LPP: variants seen among roughly 807,000 people sequenced by gnomAD.
The protein encoded by LPP is lipoma-preferred partner.
Under a neutral mutation model 60.4 loss-of-function variants are expected in LPP, and 38 were observed. The observed-to-expected ratio is 0.63, with a 90% CI of 0.49 to 0.83. The LOEUF is 0.83. LPP is among the 40% of genes least tolerant of loss of function. The probability of loss-of-function intolerance (pLI) is 0.00; values close to 1 mark genes in which losing one functional copy is unlikely to be tolerated. For missense variants in LPP, 902 were observed against 783.6 expected, an observed-to-expected ratio of 1.15 and a Z score of -1.80; for synonymous variants, 328 against 290.8, an observed-to-expected ratio of 1.13 and a Z score of -1.30.
intron 6 of LPP, among the ~76,000 whole-genome samples, chr3:188,598,374 G>A (rs371598302): frequency 1.3e-5 from 2 of 152,186 alleles, no homozygotes; most frequent in African/African-American, 4.8e-5. Context: ...ACACATATAC[G>A]TGTGTATGTG....
chr3:188,250,630 G>T (rs1213795888), intron 2 of LPP, among the ~76,000 whole-genome samples: 1 of 152,000 alleles, frequency 6.6e-6, no homozygotes, highest in Non-Finnish European at 1.5e-5. Context: ...TCATCATTCA[G>T]CATCCTGCGT....
chr3:188,526,911 G>A (rs1579650876), intron 6 of LPP, among the ~76,000 whole-genome samples: 1 of 152,280 alleles, frequency 6.6e-6, no homozygotes, highest in East Asian at 1.9e-4. Context: ...CTATACTGCA[G>A]GAGCACAAAG....
At chr3:188,175,145 C>T (rs574522183) in intron 1 of LPP, among the ~76,000 whole-genome samples, 4 of 152,146 alleles carry the variant, frequency 2.6e-5, no homozygotes, top group African/African-American at 4.8e-5. Context: ...GGAGTGCAGT[C>T]GTGGGTTCTT....
intron 6 of LPP, among the ~76,000 whole-genome samples, chr3:188,536,002 A>T (rs898536876): frequency 1.6e-5 from 2 of 121,762 alleles, no homozygotes; most frequent in South Asian, 5.4e-4. Context: ...TATTACATGA[A>T]TTTTTTTTTT....
chr3:188,425,219 T>C (rs1361386748), intron 4 of LPP, among the ~76,000 whole-genome samples: 1 of 152,214 alleles, frequency 6.6e-6, no homozygotes. Flanking sequence ...ATTTTTGTCA[T>C]TGGTTCTGTT....
chr3:188,313,733 A>G (rs776981225), intron 2 of LPP, among the ~76,000 whole-genome samples: 1 of 152,092 alleles, frequency 6.6e-6, no homozygotes, highest in Non-Finnish European at 1.5e-5. Context: ...CATGCTATAC[A>G]TTGTAAAAAT....
At position 188,173,349 on chromosome 3, in the gene LPP, CA is replaced by C. The variant is rs972931701; in HGVS notation, c.-190+19102del. Among the ~76,000 whole-genome samples, 600 of 152,058 alleles carry C rather than the reference CA, an allele frequency of 3.9e-3. 5 individuals carry two copies. Among genetic ancestry groups the C allele is most frequent in the African/African-American group, 0.014 (584 of 41,492 alleles). On this transcript the variant is annotated intron_variant, in intron 1 of 11. Transcript: ENST00000617246. ...AAGCCCATCTCTATTTAAAAAAATA[CA>C]AAAATTAGCCGGGTGTGGTGGCTCA...
chr3:188,155,484 A>G (rs752287205), intron 1 of LPP, among the ~76,000 whole-genome samples: 1 of 152,198 alleles, frequency 6.6e-6, no homozygotes, highest in Non-Finnish European at 1.5e-5. Flanking sequence ...GAAGAAGGGG[A>G]AAGTGTGGCT....
intron 6 of LPP, among the ~76,000 whole-genome samples, chr3:188,559,503 T>C (rs2150643430): frequency 6.6e-6 from 1 of 152,178 alleles, no homozygotes; most frequent in Non-Finnish European, 1.5e-5. Context: ...GCTCTAGTTA[T>C]ATGAAGCCTG....
rs972774777 is a variant in LPP, at chr3:188,606,507, A to G, written c.430-2654A>G. ...CTGTTTTTTTGGATATTCGTCTTTA[A>G]AAGGGTAAACTTGTCATTTACTTTT... On this transcript the variant is annotated intron_variant, in intron 6 of 11. Coordinates refer to ENST00000617246, the MANE Select transcript of LPP (RefSeq NM_001375462.1). Among the ~76,000 whole-genome samples, 8 of 152,082 alleles carry G rather than the reference A, an allele frequency of 5.3e-5. 1 individual carries two copies. The highest frequency in any genetic ancestry group is 1.2e-4 in the Non-Finnish European group (8 of 68,026).
chr3:188,369,421 G>C (rs919273593), intron 3 of LPP, among the ~76,000 whole-genome samples: 1 of 151,958 alleles, frequency 6.6e-6, no homozygotes, highest in Non-Finnish European at 1.5e-5. Flanking sequence ...TGAGATCCTG[G>C]GGAAATCAAA....
intron 9 of LPP, among the ~76,000 whole-genome samples, chr3:188,864,828 G>A (rs1462068821): frequency 6.6e-6 from 1 of 152,206 alleles, no homozygotes; most frequent in Non-Finnish European, 1.5e-5. Context: ...TATCCAGAAA[G>A]GTACTTGTAT....
chr3:188,362,039 A>C (rs1442974238), intron 3 of LPP, among the ~76,000 whole-genome samples: 1 of 152,192 alleles, frequency 6.6e-6, no homozygotes, highest in Admixed American at 6.5e-5. Context: ...ACCAAGCGAA[A>C]TGTACAGTGC....
intron 2 of LPP, among the ~76,000 whole-genome samples, chr3:188,326,295 C>A (rs1758412785): frequency 6.6e-6 from 1 of 152,180 alleles, no homozygotes; most frequent in Non-Finnish European, 1.5e-5. Flanking sequence ...GGTGAGTAGA[C>A]CTATCACACA....
At chr3:188,256,128 G>A (rs1731586057) in intron 2 of LPP, among the ~76,000 whole-genome samples, 1 of 129,766 alleles carries the variant, frequency 7.7e-6, no homozygotes, top group African/African-American at 2.7e-5. Flanking sequence ...ATTATATTAA[G>A]AGTAAGATGC....
chr3:188,193,921 A>C (rs1282104089), intron 1 of LPP, among the ~76,000 whole-genome samples: 3 of 152,234 alleles, frequency 2.0e-5, no homozygotes, highest in African/African-American at 7.2e-5. Flanking sequence ...TGGGGGTCAC[A>C]TAAAGGGAAC....
intron 3 of LPP, among the ~76,000 whole-genome samples, chr3:188,399,768 T>C (rs1781810426): frequency 6.6e-6 from 1 of 152,228 alleles, no homozygotes; most frequent in Admixed American, 6.5e-5. Context: ...GGATGTTGGA[T>C]AATATGATGT....
At chr3:188,320,420 C>G (rs1756587706) in intron 2 of LPP, among the ~76,000 whole-genome samples, 1 of 152,198 alleles carries the variant, frequency 6.6e-6, no homozygotes. Flanking sequence ...GTGGTGAGCT[C>G]AGTCACAGTG....
At chr3:188,774,016 T>C (rs1486485870) in intron 9 of LPP, among the ~76,000 whole-genome samples, 1 of 152,164 alleles carries the variant, frequency 6.6e-6, no homozygotes. Flanking sequence ...CCTTTTACAA[T>C]GTAACAAAAT....
Sources: gnomAD v4.1 joint callset for allele counts (sites outside exome capture counted in the v4.1 genomes callset) on GRCh38, gnomAD v4.1.1 for gene constraint, MANE v1.5 for transcripts, NCBI Gene and HGNC (gene_info 2026-07-23, HGNC 2026-07-21) for gene names.